INPP5A: variants seen among roughly 807,000 people sequenced by gnomAD.
INPP5A encodes 43 kDa inositol polyphosphate 5-phophatase.
A neutral mutation model predicts 65.2 loss-of-function variants in INPP5A; 14 were observed. The ratio of observed to expected loss-of-function variants is 0.21; its 90% CI spans 0.14 to 0.34. The LOEUF (loss-of-function observed/expected upper bound fraction) is 0.34, where lower values mean the gene tolerates loss of function less well. Among genes scored for constraint, INPP5A ranks in the 10% least tolerant of loss-of-function variants. The pLI is 1.00. For synonymous variants in INPP5A, 207 were observed against 208.3 expected (o/e 0.99, Z 0.05); for missense variants, 431 against 545.6 (o/e 0.79, Z 2.09).
intron 8 of INPP5A, among the ~76,000 whole-genome samples, chr10:132,721,863 A>C (rs192472078): frequency 7.5e-4 from 114 of 152,244 alleles, no homozygotes; most frequent in African/African-American, 2.6e-3. Context: ...TGGTGCTGGG[A>C]GATTCACCCT....
intron 1 of INPP5A, among the ~76,000 whole-genome samples, chr10:132,552,007 A>G (rs1322310747): frequency 6.6e-6 from 1 of 152,182 alleles, no homozygotes; most frequent in Non-Finnish European, 1.5e-5. Flanking sequence ...GGACCAGGAG[A>G]GCTTCTGTGT....
chr10:132,569,929 G>A (rs1321047872), intron 1 of INPP5A, among the ~76,000 whole-genome samples: 3 of 147,874 alleles, frequency 2.0e-5, no homozygotes, highest in Non-Finnish European at 4.5e-5. Flanking sequence ...TGGGATTACA[G>A]GTGTGAGCCA....
In INPP5A at chr10:132,782,218, G is replaced by T. The variant is rs971389964; in HGVS notation, c.*189G>T. 1.4e-6 allele frequency: 1 copy of T among 704,928 alleles called. No homozygotes were observed. The highest frequency in any genetic ancestry group is 2.3e-6 in the Non-Finnish European group (1 of 426,512). The allele number at this position is 704,928 out of a possible 1,614,324, so 43.7% of individuals were successfully genotyped here. A position where few individuals can be genotyped will look rare whatever the true frequency, so the allele number is the denominator to read the frequency against. On this transcript the variant is annotated 3_prime_UTR_variant, in exon 16 of 16. Coordinates refer to ENST00000368594, the MANE Select transcript of INPP5A (RefSeq NM_005539.5). The surrounding 1 kb of genome is among the most constrained non-coding windows in gnomAD (Gnocchi z 4.4). ...GCAGCCTCACATACCTCACTGTCTC[G>T]TCTGTCTATGTGACATTAAGTAGAA... is the stretch of plus-strand genomic sequence containing the variant.
At chr10:132,775,127 G>T (rs185278519) in intron 12 of INPP5A, among the ~76,000 whole-genome samples, 2 of 48,008 alleles carry the variant, frequency 4.2e-5, no homozygotes, top group East Asian at 5.3e-4. Context: ...GCAGGGAGGA[G>T]GGGCAGGGAG....
At chr10:132,583,856 C>T (rs558872437) in intron 1 of INPP5A, among the ~76,000 whole-genome samples, 3 of 152,156 alleles carry the variant, frequency 2.0e-5, no homozygotes, top group South Asian at 2.1e-4. Flanking sequence ...CCAAGGGGGG[C>T]GGATAGCTTG....
At chr10:132,638,559 TTTTA>T (rs1564944299) in intron 2 of INPP5A, among the ~76,000 whole-genome samples, 4 of 152,188 alleles carry the variant, frequency 2.6e-5, no homozygotes, top group African/African-American at 7.2e-5. Flanking sequence ...CCCAATTTTA[TTTTA>T]TTTATTTATT....
rs1018375127 is a variant in INPP5A at position 132,765,709 on chromosome 10, GAC to G, written c.904-59_904-58del. 9.7e-5 allele frequency: 92 copies of G among 948,032 alleles called. No individual in the cohort carries two copies. The African/African-American group carries it at 1.3e-3, about 13-fold the overall frequency. The allele number at this position is 948,032 out of a possible 1,614,324, so 58.7% of individuals were successfully genotyped here. A position where few individuals can be genotyped will look rare whatever the true frequency, so the allele number is the denominator to read the frequency against. On this transcript the variant is annotated intron_variant, in intron 11 of 15. Coordinates refer to ENST00000368594, the MANE Select transcript of INPP5A (RefSeq NM_005539.5). ...CATTTGAGCGTCCCAGCTGCACACA[GAC>G]ACACGTGCCCCCAGCGAGGAAAACC...
intron 8 of INPP5A, among the ~76,000 whole-genome samples, chr10:132,714,114 CAGCAT>C (rs1233545849): frequency 1.3e-5 from 2 of 152,314 alleles, no homozygotes; most frequent in Admixed American, 6.5e-5. Flanking sequence ...GTTAGGTTGT[CAGCAT>C]GGCATGGCAT....
intron 5 of INPP5A, among the ~76,000 whole-genome samples, chr10:132,691,478 C>A (rs1209645579): frequency 2.6e-5 from 4 of 152,244 alleles, no homozygotes; most frequent in Non-Finnish European, 5.9e-5. Flanking sequence ...GCGTGTGCTG[C>A]AGGAAGCTGG....
intron 12 of INPP5A, among the ~76,000 whole-genome samples, chr10:132,775,650 C>A (rs545252766): frequency 6.6e-6 from 1 of 152,152 alleles, no homozygotes; most frequent in African/African-American, 2.4e-5. Flanking sequence ...CCTGTTGAGT[C>A]GTCTGTGAAC....
At chr10:132,689,854 G>C (rs969983419) in intron 4 of INPP5A, among the ~76,000 whole-genome samples, 3 of 152,258 alleles carry the variant, frequency 2.0e-5, no homozygotes, top group African/African-American at 7.2e-5. Context: ...GTAAGTGGGA[G>C]ACACTGGCAG....
intron 4 of INPP5A, among the ~76,000 whole-genome samples, chr10:132,662,759 T>C (rs2072752870): frequency 6.6e-6 from 1 of 152,030 alleles, no homozygotes; most frequent in Non-Finnish European, 1.5e-5. Flanking sequence ...GCCTGGCCGC[T>C]CTCTGCTCCC....
At position 132,651,706 on chromosome 10, in the gene INPP5A, A is replaced by G. The variant is rs2072579451; in HGVS notation, c.306+1201A>G. ...GCTCTCCAGTGCCCCCCTGCCCTGC[A>G]GGTGGGACTCTCATTGCTGTTTGGG... is the stretch of plus-strand genomic sequence containing the variant. On this transcript the variant is annotated intron_variant, in intron 4 of 15. Transcript: ENST00000368594. This position sits in a 1 kb window ranked among gnomAD's most constrained non-coding sequence, Gnocchi z 5.0. Among the ~76,000 whole-genome samples the G allele has an allele frequency of 1.3e-5, 2 of 152,306 alleles. No homozygotes were observed. The highest frequency in any genetic ancestry group is 4.1e-4 in the South Asian group (2 of 4,826).
chr10:132,677,675 C>T (rs1363124207), intron 4 of INPP5A, among the ~76,000 whole-genome samples: 1 of 152,194 alleles, frequency 6.6e-6, no homozygotes, highest in African/African-American at 2.4e-5. Flanking sequence ...CGGGCGCACT[C>T]GTCTGGTGGA....
chr10:132,614,954 T>C (rs1378984652), intron 2 of INPP5A, among the ~76,000 whole-genome samples: 1 of 152,268 alleles, frequency 6.6e-6, no homozygotes, highest in Non-Finnish European at 1.5e-5. Flanking sequence ...AGCACACGTC[T>C]GTGGCGTAGG....
chr10:132,735,469 C>T (rs1343933905), intron 9 of INPP5A, among the ~76,000 whole-genome samples: 3 of 152,186 alleles, frequency 2.0e-5, no homozygotes, highest in African/African-American at 4.8e-5. Context: ...CCCGGTGGCA[C>T]GGGCGCCCTG....
At chr10:132,740,501 C>A (rs886952478) in intron 9 of INPP5A, among the ~76,000 whole-genome samples, 2 of 152,146 alleles carry the variant, frequency 1.3e-5, no homozygotes, top group African/African-American at 4.8e-5. Flanking sequence ...AAATGTTTAT[C>A]CCCTGGAGTC....
chr10:132,752,079 C>T (rs1327599822), intron 11 of INPP5A, among the ~76,000 whole-genome samples: 3 of 146,762 alleles, frequency 2.0e-5, no homozygotes, highest in Non-Finnish European at 4.5e-5. Context: ...TGGGTGGAGG[C>T]GGGTGCCCAG....
chr10:132,652,371 A>C (rs1248381373), intron 4 of INPP5A, among the ~76,000 whole-genome samples: 2 of 152,236 alleles, frequency 1.3e-5, no homozygotes, highest in East Asian at 3.8e-4. Flanking sequence ...CCCCAGGAGG[A>C]GCGGGGAAAG....
Sources: allele counts gnomAD v4.1 joint callset (sites outside exome capture counted in the v4.1 genomes callset), GRCh38; gene constraint gnomAD v4.1.1; non-coding constraint Gnocchi (gnomAD v3.1); transcripts MANE v1.5; gene names NCBI Gene and HGNC (gene_info 2026-07-23, HGNC 2026-07-21).